Variants in JADE3 observed in about 807,000 individuals in gnomAD.
The protein encoded by JADE3 is jade family PHD finger 3.
JADE3 carries 2 observed loss-of-function variants against 50.1 expected under a neutral mutation model. The ratio of observed to expected loss-of-function variants is 0.04; its 90% confidence interval spans 0.02 to 0.13. The LOEUF is 0.13. JADE3 is among the 10% of genes least tolerant of loss of function. JADE3 has a pLI of 1.00. For synonymous variants in JADE3, 218 were observed against 232.9 expected, an observed-to-expected ratio of 0.94 and a Z score of 0.58; for missense variants, 475 against 634.4, an observed-to-expected ratio of 0.75 and a Z score of 2.70.
At chrX:47,050,122 C>T (rs999671032) in intron 8 of JADE3, among the ~76,000 whole-genome samples, 4 of 108,774 alleles carry the variant, frequency 3.7e-5, no homozygotes, top group Non-Finnish European at 5.7e-5. Context: ...TTATTAGAGA[C>T]GAGGTCTCAC....
intron 1 of JADE3, among the ~76,000 whole-genome samples, chrX:46,958,675 G>C (rs1367286030): frequency 8.9e-6 from 1 of 112,268 alleles, no homozygotes; most frequent in Non-Finnish European, 1.9e-5. Flanking sequence ...GCTAGTGACT[G>C]TTTTCTTTTT....
intron 3 of JADE3, among the ~76,000 whole-genome samples, chrX:46,995,546 ATATG>A (rs2147135999): frequency 8.9e-6 from 1 of 111,803 alleles, no homozygotes; most frequent in Non-Finnish European, 1.9e-5. Context: ...ATATATACAA[ATATG>A]TATGTATGTG....
chrX:47,034,483 TTTA>T (rs1305526368), intron 7 of JADE3, among the ~76,000 whole-genome samples: 1 of 112,289 alleles, frequency 8.9e-6, no homozygotes, highest in Non-Finnish European at 1.9e-5. Context: ...TATACTCTGA[TTTA>T]TTCATTTTCC....
At position 47,054,619 on chromosome X, in the gene JADE3, C is replaced by T. The variant is rs1929597327; in HGVS notation, c.1434C>T (p.Asp478=). Residue 478 remains aspartate, a synonymous_variant, in exon 9 of 11, where the codon GAC becomes GAT. Transcript: ENST00000614628. ...RMRMFMHLRQ[D]LERVRNLCYM... is the part of the protein sequence containing the mutation. ...GAATGTTTATGCATCTACGCCAGGA[C>T]CTGGAGAGGGTAAGGTGACCAGCTG... 8.5e-7 allele frequency: 1 copy of T among 1,176,121 alleles called. No homozygotes were observed. The highest frequency in any genetic ancestry group is 1.8e-5 in the African/African-American group (1 of 56,792).
intron 1 of JADE3, among the ~76,000 whole-genome samples, chrX:46,942,143 A>G (rs1556342427): frequency 9.0e-6 from 1 of 110,731 alleles, no homozygotes; most frequent in Non-Finnish European, 1.9e-5. Flanking sequence ...ACAGTTTGTG[A>G]ATATTTTTCT....
chrX:46,990,945 A>G (rs1927976399), intron 3 of JADE3, among the ~76,000 whole-genome samples: 1 of 108,927 alleles, frequency 9.2e-6, no homozygotes, highest in East Asian at 2.9e-4. Context: ...GAATCATACA[A>G]TACGTGCCCT....
At chrX:46,982,119 TTAA>T (rs1927768438) in intron 1 of JADE3, among the ~76,000 whole-genome samples, 1 of 111,748 alleles carries the variant, frequency 8.9e-6, no homozygotes, top group Non-Finnish European at 1.9e-5. Flanking sequence ...GTTGATGAAC[TTAA>T]TGATGTTCTA....
intron 1 of JADE3, among the ~76,000 whole-genome samples, chrX:46,951,247 C>T (rs1602381824): frequency 1.1e-5 from 1 of 92,810 alleles, no homozygotes. Context: ...AGGCTGGTCT[C>T]GAACTCCTGA....
chrX:46,962,463 AT>A (rs1461148871), intron 1 of JADE3, among the ~76,000 whole-genome samples: 2 of 111,719 alleles, frequency 1.8e-5, no homozygotes, highest in Non-Finnish European at 3.8e-5. Context: ...TGATCTAGAA[AT>A]TTGAGATGTA....
chrX:47,019,405 G>A (rs1403469248), intron 4 of JADE3, among the ~76,000 whole-genome samples: 2 of 110,965 alleles, frequency 1.8e-5, no homozygotes, highest in Non-Finnish European at 3.8e-5. Context: ...TGTGTTTAGA[G>A]ATAGGGTCGC....
intron 4 of JADE3, among the ~76,000 whole-genome samples, chrX:47,017,741 G>A (rs1321609110): frequency 1.8e-5 from 2 of 111,756 alleles, no homozygotes; most frequent in East Asian, 5.6e-4. Context: ...GATATAGATA[G>A]GTCCCTATTT....
At chrX:46,953,597 C>G (rs1278308060) in intron 1 of JADE3, among the ~76,000 whole-genome samples, 3 of 111,589 alleles carry the variant, frequency 2.7e-5, no homozygotes, top group African/African-American at 9.8e-5. Context: ...TTTCCCTCCC[C>G]CTTAAAGTAT....
chrX:47,009,686 A>C (rs1556361156), intron 4 of JADE3, among the ~76,000 whole-genome samples: 1 of 105,404 alleles, frequency 9.5e-6, no homozygotes, highest in Non-Finnish European at 1.9e-5. Flanking sequence ...GCATGGTGGC[A>C]CAATCACAGC....
At chrX:46,950,995 C>G (rs1351921224) in intron 1 of JADE3, among the ~76,000 whole-genome samples, 5 of 110,774 alleles carry the variant, frequency 4.5e-5, no homozygotes, top group African/African-American at 9.8e-5. Context: ...CATGATGTGC[C>G]TAGGTGTAGA....
At chrX:46,976,163 G>A (rs375029917) in intron 1 of JADE3, among the ~76,000 whole-genome samples, 2 of 111,707 alleles carry the variant, frequency 1.8e-5, no homozygotes, top group African/African-American at 3.3e-5. Context: ...CCCTTGCACT[G>A]ACCATGCATT....
intron 4 of JADE3, 125 bp from the exon 5 acceptor site, chrX:47,024,599 T>A (rs1928866545): frequency 2.5e-6 from 1 of 407,319 alleles, no homozygotes; most frequent in East Asian, 4.1e-5. Context: ...AAACTAAATT[T>A]GTAAAACCAT....
chrX:47,037,815 A>G (rs143860878), intron 7 of JADE3, among the ~76,000 whole-genome samples: 72 of 111,711 alleles, frequency 6.4e-4, no homozygotes, highest in African/African-American at 2.2e-3. Context: ...TTATTTTTAT[A>G]TGTACAGTTA....
intron 8 of JADE3, among the ~76,000 whole-genome samples, chrX:47,050,395 A>G (rs1172150309): frequency 8.9e-6 from 1 of 112,004 alleles, no homozygotes; most frequent in Non-Finnish European, 1.9e-5. Context: ...GAGAACATTC[A>G]AAAGCCTCTC....
chrX:47,020,981 G>A (rs1035005014), intron 4 of JADE3, among the ~76,000 whole-genome samples: 1 of 110,679 alleles, frequency 9.0e-6, no homozygotes, highest in Non-Finnish European at 1.9e-5. Context: ...CATCGTGGTG[G>A]TGTGTACCTG....
Sources: gnomAD v4.1 joint callset for allele counts (sites outside exome capture counted in the v4.1 genomes callset) on GRCh38, gnomAD v4.1.1 for gene constraint, MANE v1.5 for transcripts, NCBI Gene and HGNC (gene_info 2026-07-23, HGNC 2026-07-21) for gene names.